Variants in C19orf67 observed in about 807,000 individuals in gnomAD.
C19orf67 encodes the protein UPF0575 protein C19orf67.
A neutral mutation model predicts 41.4 loss-of-function variants in C19orf67; 28 were observed. That is an observed-to-expected ratio of 0.68 (90% confidence interval 0.50 to 0.93). The LOEUF (loss-of-function observed/expected upper bound fraction) is 0.93. C19orf67 is among the 40% of genes least tolerant of loss of function. The probability of loss-of-function intolerance (pLI) is 0.00; values close to 1 mark genes in which losing one functional copy is unlikely to be tolerated. For synonymous variants in C19orf67, 242 were observed against 203.4 expected (o/e 1.19, Z -1.62); for missense variants, 421 against 467.0 (o/e 0.90, Z 0.91).
intron 2 of C19orf67, 21 bp from the exon 3 acceptor site, chr19:14,083,626 C>A (rs1384401676): frequency 1.3e-6 from 2 of 1,534,384 alleles, no homozygotes; most frequent in Non-Finnish European, 1.7e-6. Flanking sequence ...GAGGGGGGTA[C>A]AGTGAGATCA....
chr19:14,082,722 G>A (rs766653462), intron 4 of C19orf67, 119 bp from the exon 5 acceptor site: 10 of 872,956 alleles, frequency 1.1e-5, no homozygotes, highest in African/African-American at 1.7e-5. Flanking sequence ...TTCTCAGGTA[G>A]GAATGTGACT....
At chr19:14,082,694 T>A in intron 4 of C19orf67, 91 bp from the exon 5 acceptor site, 1 of 1,294,726 alleles carries the variant, frequency 7.7e-7, no homozygotes. Flanking sequence ...TGGGAACTCA[T>A]CAGAAGTTGC....
At chr19:14,082,058 G>A in intron 5 of C19orf67, 50 bp from the exon 6 acceptor site, 1 of 1,387,816 alleles carries the variant, frequency 7.2e-7, no homozygotes, top group Non-Finnish European at 9.4e-7. Flanking sequence ...AGTGCCCCCT[G>A]CCCCTCGGGA....
In C19orf67 at chr19:14,084,559, G is replaced by A. The variant is rs1290482400; in HGVS notation, c.336-682C>T. ...CAAAAAAACCCAGCCTCGGGTAGGC[G>A]CGGTGGCTCACGTCTGTAATTCCAG... On this transcript the variant is annotated intron_variant, in intron 1 of 5. Coordinates refer to ENST00000548523, the MANE Select transcript of C19orf67 (RefSeq NM_001277378.2). Among the ~76,000 whole-genome samples the A allele has an allele frequency of 2.0e-5, 3 of 151,530 alleles. 1 individual carries two copies. Among genetic ancestry groups the A allele is most frequent in the Admixed American group, 1.3e-4 (2 of 15,192 alleles).
intron 1 of C19orf67, among the ~76,000 whole-genome samples, chr19:14,084,910 A>G (rs1976829551): frequency 6.6e-6 from 1 of 152,232 alleles, no homozygotes; most frequent in African/African-American, 2.4e-5. Flanking sequence ...TGAGAGTCAC[A>G]GGGAAACCTG....
At chr19:14,084,965 G>T (rs1976830129) in intron 1 of C19orf67, among the ~76,000 whole-genome samples, 1 of 152,212 alleles carries the variant, frequency 6.6e-6, no homozygotes, top group Non-Finnish European at 1.5e-5. Context: ...CTGATGTCCT[G>T]CAGGCCAAGT....
rs1568519346 is a variant in C19orf67, at chr19:14,085,346, C to T, written c.282G>A (p.Gln94=). ...LDTLFSPITQ[Q]LRYLLKKADD... ...CTGCCTTCTTCAGTAGGTAGCGCAG[C>T]TGTTGGGTGATGGGGCTGAACAAAG... Residue 94 remains glutamine, a synonymous_variant, in exon 1 of 6, where the codon CAG becomes CAA. Coordinates refer to ENST00000548523, the MANE Select transcript of C19orf67 (RefSeq NM_001277378.2). 1.3e-6 allele frequency: 2 copies of T among 1,536,220 alleles called. No homozygotes were observed. Among genetic ancestry groups the T allele is most frequent in the South Asian group, 2.4e-5 (2 of 84,064 alleles).
At position 14,083,895 on chromosome 19, in the gene C19orf67, C is replaced by T. The variant is rs1434260776; in HGVS notation, c.336-18G>A. 1 of 1,301,976 alleles carries T rather than the reference C, an allele frequency of 7.7e-7. No homozygotes were observed. The highest frequency in any genetic ancestry group is 3.4e-5 in the Admixed American group (1 of 29,320). The allele number at this position is 1,301,976 out of a possible 1,614,324, so 80.7% of individuals were successfully genotyped here. ...GGTCTCTGCTGAAGGAAGAAGGGGG[C>T]CTTTGCCTGGAATCCCTCACAACCC... On this transcript the variant is annotated intron_variant, in intron 1 of 5. Coordinates refer to ENST00000548523, the MANE Select transcript of C19orf67 (RefSeq NM_001277378.2).
intron 1 of C19orf67, 117 bp from the exon 2 acceptor site, chr19:14,083,994 C>T: frequency 9.7e-7 from 1 of 1,029,336 alleles, no homozygotes; most frequent in East Asian, 3.2e-5. Context: ...TTAGAAAAGC[C>T]CCCAGTTTCA....
chr19:14,085,702 GC>G lies in C19orf67; in HGVS notation c.-76del. 9.0e-7 allele frequency: 1 copy of G among 1,106,844 alleles called. No homozygotes were observed. Among genetic ancestry groups the G allele is most frequent in the Non-Finnish European group, 1.3e-6 (1 of 771,132 alleles). The allele number at this position is 1,106,844 out of a possible 1,614,324, so 68.6% of individuals were successfully genotyped here. On this transcript the variant is annotated 5_prime_UTR_variant, in exon 1 of 6. Transcript: ENST00000548523. ...TCAGGTTGGCCGCGGGTTCGACCCC[GC>G]CCCGGGAGCCTCCGACTGGCCCCTG... is the stretch of plus-strand genomic sequence containing the variant.
chr19:14,084,340 T>C (rs1488018334), intron 1 of C19orf67, among the ~76,000 whole-genome samples: 2 of 151,362 alleles, frequency 1.3e-5, no homozygotes, highest in Non-Finnish European at 2.9e-5. Flanking sequence ...CAGTGAGCTA[T>C]GACTGCCCCA....
In C19orf67 at chr19:14,083,274, C is replaced by A; in HGVS notation, c.730G>T (p.Glu244Ter). ...KMRWHLEATP[E>*]APGRGQDSLV... ...GAATCTTGTCCCCGACCAGGGGCCT[C>A]TGGGGTGGCTTCCAGGTGCCAGCGC... Residue 244 changes from glutamate to a stop codon, truncating the protein, a stop_gained, in exon 4 of 6, where the codon GAG becomes TAG. Coordinates refer to ENST00000548523, the MANE Select transcript of C19orf67 (RefSeq NM_001277378.2). LOFTEE classifies it high-confidence loss of function. 2.0e-6 allele frequency: 3 copies of A among 1,536,064 alleles called. No homozygotes were observed. Among genetic ancestry groups the A allele is most frequent in the Non-Finnish European group, 2.6e-6 (3 of 1,146,904 alleles).
In C19orf67 at chr19:14,085,571, C is replaced by A. The variant is rs746921671; in HGVS notation, c.57G>T (p.Pro19=). 1,225 of 1,535,054 alleles carry A rather than the reference C, an allele frequency of 8.0e-4. 2 individuals carry two copies. The highest frequency in any genetic ancestry group is 9.8e-4 in the Non-Finnish European group (1,127 of 1,146,568). The change falls in exon 1 of 6, where the codon CCG becomes CCT. Residue 19 remains proline, a synonymous_variant. Transcript: ENST00000548523. ...GSLPLDPGET[P]PPDALEPGTP... ...TCCCAGGTTCCAAGGCGTCTGGAGG[C>A]GGTGTTTCTCCAGGGTCCAGGGGGA...
intron 1 of C19orf67, among the ~76,000 whole-genome samples, chr19:14,084,517 A>T (rs1391187937): frequency 6.6e-6 from 1 of 151,340 alleles, no homozygotes; most frequent in African/African-American, 2.4e-5. Flanking sequence ...AAAAAAACAC[A>T]TAACAACAAA....
chr19:14,083,403 C>T lies in C19orf67; in HGVS notation c.601G>A (p.Gly201Arg), dbSNP rs867330669. ...NPLSISCFFC[G>R]RFSISLSHEV... is the part of the protein sequence containing the mutation. ...TGGGACAGGCTGATGGAGAACCTCC[C>T]GCAAAAGAAACAGGAGATGCTGGCG... Residue 201 changes from glycine (G) to arginine (R), a missense_variant, in exon 4 of 6, where the codon GGG becomes AGG. By Grantham distance (125) the Gly-to-Arg change is moderately radical. This residue lies in a region of C19orf67 where 253 missense variants were observed against 307.0 expected (regional missense o/e 0.82). Transcript: ENST00000548523. The T allele has an allele frequency of 2.6e-6, 4 of 1,530,946 alleles. No homozygotes were observed. Among genetic ancestry groups the T allele is most frequent in the East Asian group, 2.5e-5 (1 of 40,784 alleles). The allele number at this position is 1,530,946 out of a possible 1,614,324, so 94.8% of individuals were successfully genotyped here.
Position 14,083,569 on chromosome 19 carries a change from C to T in C19orf67, c.517G>A (p.Glu173Lys). ...EISQQLTLRL[E>K]QLVLMYASFG... ...GAAGCGTACATGAGGACCAGCTGTTCCAGGCGCAGGGTCAGCTGTTGGGAG... is the reference window on the plus strand; with the variant it reads ...GAAGCGTACATGAGGACCAGCTGTTTCAGGCGCAGGGTCAGCTGTTGGGAG... The change falls in exon 3 of 6, where the codon GAA (glutamate) becomes AAA (lysine). Residue 173 changes from glutamate to lysine, a missense_variant. Physicochemically the swap from Glu to Lys is moderately conservative, Grantham distance 56. Coordinates refer to ENST00000548523, the MANE Select transcript of C19orf67 (RefSeq NM_001277378.2). 1.3e-6 allele frequency: 2 copies of T among 1,536,064 alleles called. No homozygotes were observed. The highest frequency in any genetic ancestry group is 1.7e-6 in the Non-Finnish European group (2 of 1,146,896).
Position 14,085,332 on chromosome 19 carries a change from A to G in C19orf67, c.296T>C (p.Leu99Pro). The stretch of plus-strand genomic sequence containing the variant: ...GCTCTGGAAATCATCTGCCTTCTTC[A>G]GTAGGTAGCGCAGCTGTTGGGTGAT... ...SPITQQLRYLLKKADDFQSYL... is the reference protein window; with the variant it reads ...SPITQQLRYLPKKADDFQSYL... The change falls in exon 1 of 6, where the codon CTG becomes CCG. Residue 99 changes from leucine (L) to proline (P), a missense_variant. Physicochemically the swap from Leu to Pro is moderately conservative, Grantham distance 98. Transcript: ENST00000548523. 1.3e-6 allele frequency: 2 copies of G among 1,536,186 alleles called. No individual in the cohort carries two copies. The highest frequency in any genetic ancestry group is 1.7e-6 in the Non-Finnish European group (2 of 1,146,928).
rs188884641 is a variant in C19orf67, at chr19:14,085,542, G to A, written c.86C>T (p.Pro29Leu). ...PPPDALEPGT[P>L]PCGDPSRSTP... The stretch of plus-strand genomic sequence containing the variant: ...CGACCTGGAGGGGTCTCCGCAGGGC[G>A]GCGTCCCAGGTTCCAAGGCGTCTGG... The change falls in exon 1 of 6, where the codon CCG (proline) becomes CTG (leucine). Residue 29 changes from proline (P) to leucine (L), a missense_variant. Around this residue, in one of 3 missense-constraint regions of C19orf67, gnomAD observed 160 missense variants for 139.2 expected, o/e 1.15. Transcript: ENST00000548523. The A allele has an allele frequency of 1.4e-3, 2,122 of 1,535,322 alleles. No homozygotes were observed. The highest frequency in any genetic ancestry group is 1.6e-3 in the Non-Finnish European group (1,850 of 1,146,640).
Position 14,082,026 on chromosome 19 carries a change from G to A in C19orf67, c.903-18C>T. 1 of 1,477,478 alleles carries A rather than the reference G, an allele frequency of 6.8e-7. No homozygotes were observed. The highest frequency in any genetic ancestry group is 9.0e-7 in the Non-Finnish European group (1 of 1,113,926). The allele number at this position is 1,477,478 out of a possible 1,614,324, so 91.5% of individuals were successfully genotyped here. On this transcript the variant is annotated intron_variant, in intron 5 of 5. Transcript: ENST00000548523. The stretch of plus-strand genomic sequence containing the variant: ...ACAAAATCCTGGGGTGGGGGGGCCA[G>A]GGATAGACAGGCCTGGACTTGAGTG...
Sources: gnomAD v4.1 joint callset for allele counts (sites outside exome capture counted in the v4.1 genomes callset) on GRCh38, gnomAD v4.1.1 for gene constraint, gnomAD v4.1.1 regional missense constraint, MANE v1.5 for transcripts, NCBI Gene and HGNC (gene_info 2026-07-23, HGNC 2026-07-21) for gene names.